The following SPG11 variants were observed in gnomAD, a reference collection of about 807,000 sequenced individuals.
SPG11 encodes the protein SPG11 vesicle trafficking associated, spatacsin.
In SPG11, 222 loss-of-function variants were observed where a neutral mutation model predicts 274.0. The observed-to-expected ratio is 0.81, with a 90% CI of 0.73 to 0.91. SPG11 has a LOEUF of 0.91. Among genes scored for constraint, SPG11 ranks in the 40% least tolerant of loss-of-function variants. The probability of loss-of-function intolerance (pLI) is 0.00; values close to 1 mark genes in which losing one functional copy is unlikely to be tolerated. For missense variants in SPG11, 3,114 were observed against 2,872.7 expected, an observed-to-expected ratio of 1.08 and a Z score of -1.92; for synonymous variants, 1,144 against 1,039.7, an observed-to-expected ratio of 1.10 and a Z score of -1.93.
chr15:44,611,020 A>C (rs1446309425), intron 17 of SPG11, 35 bp from the exon 18 acceptor site: 2 of 1,564,058 alleles, frequency 1.3e-6, no homozygotes, highest in African/African-American at 1.4e-5. Flanking sequence ...TCTCCTTAAG[A>C]GGGATAAATA....
chr15:44,608,287 G>C (rs1242491363), intron 19 of SPG11, among the ~76,000 whole-genome samples, 157 bp downstream of exon 19: 15 of 152,002 alleles, frequency 9.9e-5, no homozygotes, highest in Non-Finnish European at 2.2e-4. Flanking sequence ...GTTATTTTTG[G>C]GTTGTCTCAC....
At chr15:44,652,735 AC>A (rs915038404) in intron 4 of SPG11, among the ~76,000 whole-genome samples, 2 of 151,654 alleles carry the variant, frequency 1.3e-5, no homozygotes, top group African/African-American at 4.9e-5. Context: ...GCTCACTGCA[AC>A]CTCTGCCTCC....
In SPG11 at chr15:44,621,755, T is replaced by G. The variant is rs765873301; in HGVS notation, c.2620+4A>C. 8.1e-6 allele frequency: 13 copies of G among 1,613,736 alleles called. No individual in the cohort carries two copies. In the South Asian group the frequency reaches 8.8e-5, roughly 11 times the overall value. Reference sequence around the variant, plus strand: ...GTTCATATTTCAGGCTCTCTCACACTTGCCTTCTGGACTTATCCTGGGGAG... The same window carrying G: ...GTTCATATTTCAGGCTCTCTCACACGTGCCTTCTGGACTTATCCTGGGGAG... On this transcript the variant is annotated splice_donor_region_variant and intron_variant, in intron 14 of 39. Transcript: ENST00000261866.
At chr15:44,629,621 C>T (rs1355099485) in intron 8 of SPG11, among the ~76,000 whole-genome samples, 1 of 152,182 alleles carries the variant, frequency 6.6e-6, no homozygotes, top group Non-Finnish European at 1.5e-5. Flanking sequence ...TTGCTGACCA[C>T]CTACATCTTA....
intron 38 of SPG11, 108 bp downstream of exon 38, chr15:44,565,745 CT>C: frequency 1.5e-6 from 2 of 1,359,852 alleles, no homozygotes; most frequent in Non-Finnish European, 2.1e-6. Context: ...CAGAACTGTA[CT>C]GTCCTGGTTC....
intron 7 of SPG11, among the ~76,000 whole-genome samples, chr15:44,639,276 T>TACACACACAC (rs71111873): frequency 1.4e-5 from 2 of 138,282 alleles, no homozygotes; most frequent in African/African-American, 2.6e-5. Context: ...CACAAAGAGA[T>TACACACACAC]ACACACACAC....
At chr15:44,622,613 T>C (rs1373409183) in intron 12 of SPG11, 115 bp downstream of exon 12, 3 of 898,652 alleles carry the variant, frequency 3.3e-6, no homozygotes, top group African/African-American at 1.7e-5. Flanking sequence ...CTTTTACTTA[T>C]TAGATATTAG....
intron 14 of SPG11, 147 bp downstream of exon 14, chr15:44,621,612 C>T: frequency 1.3e-6 from 1 of 773,450 alleles, no homozygotes; most frequent in Admixed American, 2.2e-5. Context: ...AGAAAGAGAT[C>T]TTAATGCAAC....
chr15:44,570,757 G>A, intron 33 of SPG11, 99 bp from the exon 34 acceptor site: 1 of 1,499,686 alleles, frequency 6.7e-7, no homozygotes, highest in Non-Finnish European at 9.1e-7. Context: ...TGGAGAAGGG[G>A]CCTGTCTGGA....
intron 15 of SPG11, 68 bp downstream of exon 15, chr15:44,620,122 T>G (rs1344980611): frequency 8.3e-7 from 1 of 1,207,336 alleles, no homozygotes; most frequent in Admixed American, 1.7e-5. Flanking sequence ...GGAAAAGCTA[T>G]ACCATTATTT....
chr15:44,651,437 T>C (rs2084772185), intron 6 of SPG11, 54 bp downstream of exon 6: 2 of 1,494,152 alleles, frequency 1.3e-6, no homozygotes, highest in African/African-American at 1.4e-5. Context: ...TAAAATACAG[T>C]AGGAAAGCAT....
At chr15:44,563,518 A>G (rs933236392) in intron 39 of SPG11, among the ~76,000 whole-genome samples, 1 of 152,002 alleles carries the variant, frequency 6.6e-6, no homozygotes, top group South Asian at 2.1e-4. Flanking sequence ...TTCTAATTTT[A>G]GTAGAGACAG....
In SPG11 at chr15:44,600,273, A is replaced by T. The variant is rs1367806842; in HGVS notation, c.3686+194T>A. On this transcript the variant is annotated intron_variant, in intron 21 of 39. Coordinates refer to ENST00000261866, the MANE Select transcript of SPG11 (RefSeq NM_025137.4). ...ACAGATATGCCCTTTTTTAGAATAC[A>T]AATTATATTTTATTTTACTTTTTTT... 3 of 574,458 alleles carry T rather than the reference A, an allele frequency of 5.2e-6. No individual in the cohort carries two copies. In the African/African-American group the frequency reaches 5.6e-5, roughly 11 times the overall value. 35.6% of individuals were successfully genotyped at this position (574,458 alleles called of 1,614,324 possible). A position where few individuals can be genotyped will look rare whatever the true frequency, so the allele number is the denominator to read the frequency against.
At chr15:44,611,029 T>C in intron 17 of SPG11, 44 bp from the exon 18 acceptor site, 1 of 1,427,810 alleles carries the variant, frequency 7.0e-7, no homozygotes, top group Non-Finnish European at 9.4e-7. Context: ...GAGGGATAAA[T>C]ACTAAATTAA....
chr15:44,649,110 A>C, intron 6 of SPG11, 99 bp from the exon 7 acceptor site: 1 of 857,360 alleles, frequency 1.2e-6, no homozygotes, highest in Non-Finnish European at 1.9e-6. Flanking sequence ...CAGTACTATA[A>C]TTACAAATAT....
At chr15:44,633,917 C>T (rs1405899654) in intron 7 of SPG11, among the ~76,000 whole-genome samples, 1 of 152,028 alleles carries the variant, frequency 6.6e-6, no homozygotes. Flanking sequence ...TAGCTCAATG[C>T]AACCTTTATC....
intron 26 of SPG11, among the ~76,000 whole-genome samples, chr15:44,593,481 T>A (rs1181956332): frequency 6.6e-6 from 1 of 152,248 alleles, no homozygotes; most frequent in Non-Finnish European, 1.5e-5. Flanking sequence ...TGCGCTAGCA[T>A]GCCCAGGCAT....
At chr15:44,652,987 A>G (rs373696900) in intron 4 of SPG11, among the ~76,000 whole-genome samples, 5 of 152,328 alleles carry the variant, frequency 3.3e-5, no homozygotes, top group African/African-American at 1.2e-4. Context: ...AGAGGAATGC[A>G]TAAGAACTAG....
In SPG11 at chr15:44,596,873, T is replaced by G. The variant is rs751176603; in HGVS notation, c.4072A>C (p.Ser1358Arg). 13 of 1,614,028 alleles carry G rather than the reference T, an allele frequency of 8.1e-6. No individual in the cohort carries two copies. In the Admixed American group the frequency reaches 2.2e-4, roughly 27 times the overall value. The change falls in exon 24 of 40, where the codon AGC becomes CGC. Residue 1358 changes from serine to arginine, a missense_variant. Physicochemically the swap from Ser to Arg is moderately radical, Grantham distance 110. Transcript: ENST00000261866. ...GCACATTCTCTAAGGTAAGATATGC[T>G]TAGTTTCATATTGTGTAGCCTGCAG... ...QFCRLHNMKL[S>R]ISYLRECAKA... is the part of the protein sequence containing the mutation.
Sources: allele counts gnomAD v4.1 joint callset (sites outside exome capture counted in the v4.1 genomes callset), GRCh38; gene constraint gnomAD v4.1.1; transcripts MANE v1.5; gene names NCBI Gene and HGNC (gene_info 2026-07-23, HGNC 2026-07-21).